Variants in KIAA0825 observed in about 807,000 individuals in gnomAD.
KIAA0825 encodes uncharacterized protein KIAA0825.
A neutral mutation model predicts 147.6 loss-of-function variants in KIAA0825; 119 were observed. That is an observed-to-expected ratio of 0.81 (90% CI 0.69 to 0.94). The LOEUF (loss-of-function observed/expected upper bound fraction) is 0.94. Ranked by LOEUF, KIAA0825 falls within the 40% of genes least tolerant of loss-of-function variation. The probability of loss-of-function intolerance (pLI) is 0.00; values close to 1 mark genes in which losing one functional copy is unlikely to be tolerated. For missense variants in KIAA0825, 1,381 were observed against 1,472.7 expected (o/e 0.94, Z 1.02); for synonymous variants, 470 against 518.1 (o/e 0.91, Z 1.26).
At chr5:94,285,952 GC>G (rs1453132366) in intron 20 of KIAA0825, among the ~76,000 whole-genome samples, 1 of 152,098 alleles carries the variant, frequency 6.6e-6, no homozygotes, top group Non-Finnish European at 1.5e-5. Flanking sequence ...ATCAAAAACT[GC>G]AAAAGTCACA....
intron 2 of KIAA0825, among the ~76,000 whole-genome samples, chr5:94,552,013 C>T (rs1233117945): frequency 1.3e-5 from 2 of 151,958 alleles, no homozygotes; most frequent in Admixed American, 6.6e-5. Flanking sequence ...CAACTATATA[C>T]TGCCCACAAA....
chr5:94,490,032 T>C (rs1338559702), intron 5 of KIAA0825, among the ~76,000 whole-genome samples: 1 of 152,176 alleles, frequency 6.6e-6, no homozygotes, highest in Non-Finnish European at 1.5e-5. Context: ...ATGGAACATC[T>C]GTAGGACATT....
rs554972177 is a variant in KIAA0825, at chr5:94,319,511, A to G, written c.3710+64857T>C. Among the ~76,000 whole-genome samples, 6 of 151,854 alleles carry G rather than the reference A, an allele frequency of 4.0e-5. No individual in the cohort carries two copies. In the East Asian group the frequency reaches 1.2e-3, roughly 30 times the overall value. ...TAGTATCTCCAAAAGAGAATTCTTGATTTTTCCCCAAAACTTGATTCTCTC... is the reference window on the plus strand; with the variant it reads ...TAGTATCTCCAAAAGAGAATTCTTGGTTTTTCCCCAAAACTTGATTCTCTC... On this transcript the variant is annotated intron_variant, in intron 20 of 20. Coordinates refer to ENST00000682413, the MANE Select transcript of KIAA0825 (RefSeq NM_001145678.3).
At chr5:94,387,611 C>G (rs1749331566) in intron 18 of KIAA0825, among the ~76,000 whole-genome samples, 1 of 151,924 alleles carries the variant, frequency 6.6e-6, no homozygotes, top group Admixed American at 6.5e-5. Flanking sequence ...AGGAGAATCA[C>G]TTGAACCCGG....
intron 20 of KIAA0825, among the ~76,000 whole-genome samples, chr5:94,163,481 C>T (rs1446339368): frequency 6.6e-6 from 1 of 152,066 alleles, no homozygotes; most frequent in Non-Finnish European, 1.5e-5. Flanking sequence ...TGCCTTGCTT[C>T]TTCTATCAGT....
chr5:94,356,670 T>C (rs185563760), intron 20 of KIAA0825, among the ~76,000 whole-genome samples: 88 of 151,702 alleles, frequency 5.8e-4, no homozygotes, highest in African/African-American at 1.9e-3. Context: ...AAATTTCATT[T>C]TGTCATGGGA....
chr5:94,446,219 CTAA>C lies in KIAA0825; in HGVS notation c.2358-6101_2358-6099del, dbSNP rs533171351. On this transcript the variant is annotated intron_variant, in intron 13 of 20. Coordinates refer to ENST00000682413, the MANE Select transcript of KIAA0825 (RefSeq NM_001145678.3). ...TGAATTTTTTTATTCATTCATTCAA[CTAA>C]TATTTATTGTTTAACTTGTATATGC... Among the ~76,000 whole-genome samples the C allele has an allele frequency of 6.6e-5, 10 of 152,224 alleles. No individual in the cohort carries two copies. In the South Asian group the frequency reaches 1.7e-3, roughly 25 times the overall value.
intron 20 of KIAA0825, among the ~76,000 whole-genome samples, chr5:94,321,326 C>A (rs1013323142): frequency 6.6e-6 from 1 of 151,922 alleles, no homozygotes. Flanking sequence ...ATAAAATTAT[C>A]TTTAAATATA....
intron 13 of KIAA0825, among the ~76,000 whole-genome samples, chr5:94,444,263 C>G (rs983634798): frequency 2.0e-5 from 3 of 152,146 alleles, no homozygotes; most frequent in Non-Finnish European, 4.4e-5. Flanking sequence ...TAGGATCCCA[C>G]TAAACCTAAA....
At chr5:94,311,937 C>A (rs1439662306) in intron 20 of KIAA0825, among the ~76,000 whole-genome samples, 1 of 151,570 alleles carries the variant, frequency 6.6e-6, no homozygotes. Context: ...CAAGACCACA[C>A]AAAAGATCTA....
intron 3 of KIAA0825, among the ~76,000 whole-genome samples, chr5:94,526,949 GGT>G: frequency 1.3e-5 from 2 of 152,008 alleles, no homozygotes; most frequent in African/African-American, 4.8e-5. Flanking sequence ...GGTGTAAAAA[GGT>G]TTTTCCTTGT....
chr5:94,487,855 G>T (rs1168283206), intron 5 of KIAA0825, among the ~76,000 whole-genome samples: 2 of 152,166 alleles, frequency 1.3e-5, no homozygotes, highest in African/African-American at 4.8e-5. Flanking sequence ...TCAGGAGGCT[G>T]AGGTGGGAGG....
intron 20 of KIAA0825, among the ~76,000 whole-genome samples, chr5:94,351,413 C>T (rs540649580): frequency 7.9e-5 from 12 of 152,168 alleles, no homozygotes; most frequent in East Asian, 1.9e-4. Flanking sequence ...AGGAAAACTA[C>T]GAAACACTGC....
intron 20 of KIAA0825, among the ~76,000 whole-genome samples, chr5:94,379,344 C>T (rs1331592562): frequency 3.3e-5 from 5 of 152,180 alleles, no homozygotes; most frequent in African/African-American, 1.2e-4. Flanking sequence ...ATCTTAGCAC[C>T]ATTTATTGAA....
rs1052265982 is a variant in KIAA0825, at chr5:94,255,049, A to AT, written c.3711-100926dup. On this transcript the variant is annotated intron_variant, in intron 20 of 20. Coordinates refer to ENST00000682413, the MANE Select transcript of KIAA0825 (RefSeq NM_001145678.3). ...GTGCTACCTCATATTGTTATTAATC[A>AT]TTTTTTTTGCATAGTCTAACTTCCT... Among the ~76,000 whole-genome samples the AT allele has an allele frequency of 3.3e-5, 5 of 151,168 alleles. No homozygotes were observed. In the South Asian group the frequency reaches 6.3e-4, roughly 19 times the overall value.
At chr5:94,494,922 CAAAT>C (rs767494272) in intron 5 of KIAA0825, among the ~76,000 whole-genome samples, 3 of 152,118 alleles carry the variant, frequency 2.0e-5, no homozygotes, top group Non-Finnish European at 4.4e-5. Context: ...ATTTAGCACT[CAAAT>C]AAAATTAATG....
At chr5:94,575,560 A>C (rs1780856402) in intron 2 of KIAA0825, among the ~76,000 whole-genome samples, 2 of 152,356 alleles carry the variant, frequency 1.3e-5, no homozygotes, top group Admixed American at 1.3e-4. Flanking sequence ...AATCATGTTA[A>C]GAGGCAAAAG....
intron 2 of KIAA0825, among the ~76,000 whole-genome samples, chr5:94,582,056 T>C (rs925044589): frequency 1.3e-5 from 2 of 152,226 alleles, no homozygotes; most frequent in African/African-American, 2.4e-5. Context: ...ATATGAATTA[T>C]TTCATTCAAT....
chr5:94,400,404 A>C (rs1206037771), intron 16 of KIAA0825, among the ~76,000 whole-genome samples: 2 of 152,104 alleles, frequency 1.3e-5, no homozygotes, highest in Non-Finnish European at 2.9e-5. Context: ...TATACACTAT[A>C]CTAATGACTT....
Sources: gnomAD v4.1 joint callset for allele counts (sites outside exome capture counted in the v4.1 genomes callset) on GRCh38, gnomAD v4.1.1 for gene constraint, MANE v1.5 for transcripts, NCBI Gene and HGNC (gene_info 2026-07-23, HGNC 2026-07-21) for gene names.